NIPBL: variants seen among roughly 807,000 people sequenced by gnomAD.
NIPBL encodes the protein nipped-B-like protein.
A neutral mutation model predicts 321.8 loss-of-function variants in NIPBL; 19 were observed. The observed-to-expected ratio is 0.06, with a 90% CI of 0.04 to 0.09. NIPBL has a LOEUF of 0.09. NIPBL is among the 10% of genes least tolerant of loss of function. NIPBL has a pLI of 1.00. For missense variants in NIPBL, 2,210 were observed against 3,327.0 expected (o/e 0.66, Z 8.26); for synonymous variants, 1,106 against 1,114.1 (o/e 0.99, Z 0.14).
chr5:36,971,311 C>T (rs1181495714), intron 7 of NIPBL, among the ~76,000 whole-genome samples: 1 of 151,386 alleles, frequency 6.6e-6, no homozygotes, highest in Non-Finnish European at 1.5e-5. Flanking sequence ...GCCCACAGAG[C>T]CTAAAATATT....
chr5:36,976,228 A>G lies in NIPBL; in HGVS notation c.1321A>G (p.Thr441Ala), dbSNP rs144853101. 2.7e-5 allele frequency: 44 copies of G among 1,613,736 alleles called. No homozygotes were observed. In the African/African-American group the frequency reaches 4.7e-4, roughly 17 times the overall value. Residue 441 changes from threonine to alanine, a missense_variant, in exon 9 of 47, where the codon ACT becomes GCT. Physicochemically the swap from Thr to Ala is moderately conservative, Grantham distance 58. This residue lies in a region of NIPBL where 464 missense variants were observed against 529.5 expected (regional missense o/e 0.88). Transcript: ENST00000282516. ...TCAAGTGCCTGTTTTACAACAGAAC[A>G]CTTCAGTTGCTGCAAAACAACCCCA... ...ANQVPVLQQN[T>A]SVAAKQPQTS...
intron 2 of NIPBL, chr5:36,955,126 TATAAAC>T (rs1740796014): frequency 8.0e-6 from 2 of 249,344 alleles, no homozygotes; most frequent in South Asian, 1.0e-4. Context: ...TGAAAAATCT[TATAAAC>T]AAGAACAAAT....
At chr5:36,946,036 T>C (rs1019163311) in intron 1 of NIPBL, among the ~76,000 whole-genome samples, 3 of 152,176 alleles carry the variant, frequency 2.0e-5, no homozygotes, top group African/African-American at 7.2e-5. Flanking sequence ...TGTTTTATAA[T>C]GTTAAATGTA....
rs113024524 is a variant in NIPBL at position 36,900,862 on chromosome 5, C to T, written c.-80+23684C>T. 2.6e-4 allele frequency among the ~76,000 whole-genome samples: 40 copies of T among 152,180 alleles called. 1 individual carries two copies. Among genetic ancestry groups the T allele is most frequent in the African/African-American group, 9.6e-4 (40 of 41,530 alleles). ...AAGTTCCTGTTCATTCTTCAAGTTC[C>T]AGCGTAATTCCATCTTTTCTTTGAT... is the stretch of plus-strand genomic sequence containing the variant. On this transcript the variant is annotated intron_variant, in intron 1 of 46. Transcript: ENST00000282516.
At chr5:36,925,887 T>A (rs547426602) in intron 1 of NIPBL, among the ~76,000 whole-genome samples, 1 of 152,310 alleles carries the variant, frequency 6.6e-6, no homozygotes, top group African/African-American at 2.4e-5. Flanking sequence ...TAATATTCTA[T>A]ACCCTGTCTC....
rs760209986 is a variant in NIPBL at position 37,057,233 on chromosome 5, T to G, written c.7311T>G (p.Cys2437Trp). The change falls in exon 43 of 47, where the codon TGT becomes TGG. Residue 2437 changes from cysteine to tryptophan, a missense_variant. Around this residue, in one of 14 missense-constraint regions of NIPBL, gnomAD observed 112 missense variants for 288.3 expected, o/e 0.39. Coordinates refer to ENST00000282516, the MANE Select transcript of NIPBL (RefSeq NM_133433.4). ...MLLYIADNLA[C>W]FPYQTQEEPL... is the part of the protein sequence containing the mutation. The stretch of plus-strand genomic sequence containing the variant: ...TGTATATAGCAGACAATCTAGCCTG[T>G]TTTCCATACCAGACACAGGAAGAGC... The G allele has an allele frequency of 6.2e-7, 1 of 1,613,884 alleles. No homozygotes were observed. Among genetic ancestry groups the G allele is most frequent in the African/African-American group, 1.3e-5 (1 of 74,956 alleles).
At chr5:36,987,983 AAG>A (rs1745035151) in intron 10 of NIPBL, among the ~76,000 whole-genome samples, 1 of 152,122 alleles carries the variant, frequency 6.6e-6, no homozygotes, top group Non-Finnish European at 1.5e-5. Flanking sequence ...ACAATTTTAG[AAG>A]AGTCAGGTGA....
At chr5:37,017,256 T>TCCACA in intron 24 of NIPBL, 94 bp downstream of exon 24, 1 of 1,247,654 alleles carries the variant, frequency 8.0e-7, no homozygotes, top group Non-Finnish European at 1.1e-6. Context: ...TTGTGTGGAT[T>TCCACA]CAAAATAAGA....
intron 1 of NIPBL, among the ~76,000 whole-genome samples, chr5:36,929,286 C>T (rs1278486450): frequency 6.6e-6 from 1 of 151,950 alleles, no homozygotes; most frequent in African/African-American, 2.4e-5. Context: ...TGTTTATAAG[C>T]CATTCACATG....
chr5:36,891,037 G>A (rs370336340), intron 1 of NIPBL, among the ~76,000 whole-genome samples: 2 of 152,060 alleles, frequency 1.3e-5, no homozygotes, highest in Non-Finnish European at 2.9e-5. Flanking sequence ...AGGCCGAGGC[G>A]GGCGGATCAC....
intron 28 of NIPBL, 26 bp from the exon 29 acceptor site, chr5:37,022,218 G>T: frequency 6.2e-7 from 1 of 1,613,436 alleles, no homozygotes; most frequent in South Asian, 1.1e-5. Context: ...GGTATAAATT[G>T]TTTTTTTCTC....
At chr5:36,953,086 A>G (rs1304214019) in intron 1 of NIPBL, among the ~76,000 whole-genome samples, 2 of 152,170 alleles carry the variant, frequency 1.3e-5, no homozygotes, top group Non-Finnish European at 2.9e-5. Flanking sequence ...TAAAGATGGG[A>G]ATACACAAGG....
chr5:36,945,360 A>C (rs1007901744), intron 1 of NIPBL, among the ~76,000 whole-genome samples: 5 of 152,172 alleles, frequency 3.3e-5, no homozygotes, highest in African/African-American at 1.2e-4. Context: ...CAGTTCATAG[A>C]TGTGTATAGT....
At chr5:37,054,205 A>G (rs573151478) in intron 42 of NIPBL, among the ~76,000 whole-genome samples, 1 of 152,140 alleles carries the variant, frequency 6.6e-6, no homozygotes, top group Admixed American at 6.5e-5. Flanking sequence ...CAAAAAAAAA[A>G]AAAAAAAAAG....
Position 37,014,299 on chromosome 5 carries a change from A to AT in NIPBL, c.4561-373dup, listed in dbSNP as rs919741400. Among the ~76,000 whole-genome samples, 103 of 147,624 alleles carry AT rather than the reference A, an allele frequency of 7.0e-4. No homozygotes were observed. The Middle Eastern group carries it at 0.014, about 20-fold the overall frequency. ...TTTAAATTTCTGATGAAGGCTTTGAATTTTTTTTTTTGATTGTATGGATTA... is the reference window on the plus strand; with the variant it reads ...TTTAAATTTCTGATGAAGGCTTTGAATTTTTTTTTTTTGATTGTATGGATTA... On this transcript the variant is annotated intron_variant, in intron 21 of 46. Transcript: ENST00000282516.
At chr5:37,024,764 T>G in intron 30 of NIPBL, 45 bp downstream of exon 30, 3 of 1,483,114 alleles carry the variant, frequency 2.0e-6, no homozygotes, top group Non-Finnish European at 2.8e-6. Flanking sequence ...ATGTTTAAAA[T>G]AAGTTAAATG....
At chr5:36,958,327 G>A (rs779933428) in intron 4 of NIPBL, 96 bp downstream of exon 4, 14 of 1,198,618 alleles carry the variant, frequency 1.2e-5, no homozygotes, top group East Asian at 2.5e-5. Flanking sequence ...TCAGGAATGC[G>A]ATGTTTATGC....
At chr5:36,877,977 G>A (rs1745221700) in intron 1 of NIPBL, among the ~76,000 whole-genome samples, 1 of 152,134 alleles carries the variant, frequency 6.6e-6, no homozygotes, top group Admixed American at 6.5e-5. Context: ...GGTTTACTCT[G>A]CCACTTTCTA....
Position 37,004,399 on chromosome 5 carries a change from C to CT in NIPBL, c.3855+1064dup, listed in dbSNP as rs1209687707. On this transcript the variant is annotated intron_variant, in intron 16 of 46. Coordinates refer to ENST00000282516, the MANE Select transcript of NIPBL (RefSeq NM_133433.4). Reference sequence around the variant, plus strand: ...GAGTTGATAAATTTTCTTTCTCTCCCTTTTTTTTTTTTCTCCCCTGATAGA... The same window carrying CT: ...GAGTTGATAAATTTTCTTTCTCTCCCTTTTTTTTTTTTTCTCCCCTGATAGA... Among the ~76,000 whole-genome samples the CT allele has an allele frequency of 7.7e-4, 112 of 145,384 alleles. 1 individual carries two copies. Among genetic ancestry groups the CT allele is most frequent in the African/African-American group, 1.4e-3 (54 of 39,974 alleles).
Sources: gnomAD v4.1 joint callset for allele counts (sites outside exome capture counted in the v4.1 genomes callset) on GRCh38, gnomAD v4.1.1 for gene constraint, gnomAD v4.1.1 regional missense constraint, MANE v1.5 for transcripts, NCBI Gene and HGNC (gene_info 2026-07-23, HGNC 2026-07-21) for gene names.